TSNAX: variants seen among roughly 807,000 people sequenced by gnomAD.
TSNAX encodes translin associated factor X.
TSNAX carries 12 observed loss-of-function variants against 33.0 expected under a neutral mutation model. That is an observed-to-expected ratio of 0.36 (90% confidence interval 0.23 to 0.59). The LOEUF (loss-of-function observed/expected upper bound fraction) is 0.59. TSNAX is among the 20% of genes least tolerant of loss of function. The probability of loss-of-function intolerance (pLI) is 0.74; values close to 1 mark genes in which losing one functional copy is unlikely to be tolerated. For missense variants in TSNAX, 267 were observed against 341.3 expected, an observed-to-expected ratio of 0.78 and a Z score of 1.72; for synonymous variants, 110 against 117.2, an observed-to-expected ratio of 0.94 and a Z score of 0.40.
chr1:231,529,014 G>C (rs1658464537), intron 1 of TSNAX, among the ~76,000 whole-genome samples, 188 bp downstream of exon 1: 1 of 152,106 alleles, frequency 6.6e-6, no homozygotes, highest in Non-Finnish European at 1.5e-5. Flanking sequence ...AAATTTTTGA[G>C]GTGTGATTTT....
Position 231,564,545 on chromosome 1 carries a change from G to A in TSNAX, c.513G>A (p.Gln171=). 1 of 1,613,786 alleles carries A rather than the reference G, an allele frequency of 6.2e-7. No individual in the cohort carries two copies. The highest frequency in any genetic ancestry group is 8.5e-7 in the Non-Finnish European group (1 of 1,179,844). ...KENKTPSSDA[Q]DKQFGTWRLR... is the part of the protein sequence containing the mutation. ...TTTACCAGCCCTCCTCTGATGCACA[G>A]GATAAGCAGTTTGGTACTTGGAGAC... The change falls in exon 6 of 6, where the codon CAG becomes CAA. Residue 171 remains glutamine (Q), a synonymous_variant. Transcript: ENST00000366639.
chr1:231,551,022 C>T (rs576740685), intron 4 of TSNAX, among the ~76,000 whole-genome samples: 12 of 152,204 alleles, frequency 7.9e-5, no homozygotes, highest in African/African-American at 2.9e-4. Context: ...ACTTGGTAAG[C>T]AGTTCTATAA....
intron 3 of TSNAX, among the ~76,000 whole-genome samples, chr1:231,537,787 TAAGA>T (rs1288229575): frequency 6.6e-6 from 1 of 151,600 alleles, no homozygotes; most frequent in Non-Finnish European, 1.5e-5. Context: ...TGGGTGGACT[TAAGA>T]AAGAAAAATT....
chr1:231,548,501 G>T (rs17802224), intron 4 of TSNAX, among the ~76,000 whole-genome samples: 38,452 of 152,134 alleles, frequency 0.25, 6,200 homozygotes, highest in Middle Eastern at 0.44. Context: ...CCTTCTTGGA[G>T]TGAAATGAAT....
chr1:231,564,499 GTTTT>G (rs750107793), intron 5 of TSNAX, 25 bp from the exon 6 acceptor site: 85 of 1,491,012 alleles, frequency 5.7e-5, no homozygotes, highest in Admixed American at 1.3e-4. Context: ...GTGTGTGTGT[GTTTT>G]TGTTTTGTTT....
chr1:231,564,741 T>C lies in TSNAX; in HGVS notation c.709T>C (p.Tyr237His). 1.9e-6 allele frequency: 3 copies of C among 1,614,170 alleles called. No homozygotes were observed. The highest frequency in any genetic ancestry group is 2.5e-6 in the Non-Finnish European group (3 of 1,180,036). Residue 237 changes from tyrosine to histidine, a missense_variant, in exon 6 of 6, where the codon TAC becomes CAC. Around this residue, in one of 2 missense-constraint regions of TSNAX, gnomAD observed 67 missense variants for 127.2 expected, o/e 0.53. Coordinates refer to ENST00000366639, the MANE Select transcript of TSNAX (RefSeq NM_005999.3). ...GFSFIGNTGP[Y>H]EVSKKLYTLK... ...TTCATTCATTGGCAACACTGGACCT[T>C]ACGAGGTTTCTAAGAAGCTGTATAC... is the stretch of plus-strand genomic sequence containing the variant.
At chr1:231,537,377 A>G (rs1196196435) in intron 3 of TSNAX, 50 bp downstream of exon 3, 1 of 1,214,156 alleles carries the variant, frequency 8.2e-7, no homozygotes, top group Non-Finnish European at 1.2e-6. Context: ...AGCTATTAGA[A>G]TATTCTGTGA....
At chr1:231,554,544 A>G (rs990774546) in intron 4 of TSNAX, 1 of 152,204 alleles carries the variant, frequency 6.6e-6, no homozygotes, top group Non-Finnish European at 1.5e-5. Flanking sequence ...TTGAAGTACA[A>G]GTTTTATATA....
Position 231,528,767 on chromosome 1 carries a change from C to T in TSNAX, c.-44C>T, listed in dbSNP as rs1199637744. On this transcript the variant is annotated 5_prime_UTR_variant, in exon 1 of 6. Transcript: ENST00000366639. ...TGTACCTCGCGCACTCCTCTTGCTC[C>T]AGGTCCTTCAGTCTCCGCTCGTCTC... 6.2e-7 allele frequency: 1 copy of T among 1,613,820 alleles called. No homozygotes were observed. The highest frequency in any genetic ancestry group is 1.7e-5 in the Admixed American group (1 of 60,024).
chr1:231,548,843 T>A (rs1660111732), intron 4 of TSNAX, among the ~76,000 whole-genome samples: 1 of 152,192 alleles, frequency 6.6e-6, no homozygotes, highest in Non-Finnish European at 1.5e-5. Flanking sequence ...AAGACATGGA[T>A]AAGATTGTCT....
chr1:231,537,018 A>G (rs1357814532), intron 2 of TSNAX, 195 bp from the exon 3 acceptor site: 1 of 353,966 alleles, frequency 2.8e-6, no homozygotes, highest in Non-Finnish European at 5.2e-6. Context: ...TTTTTAGTAG[A>G]GACGGGGTTT....
chr1:231,540,334 C>A (rs955801822), intron 3 of TSNAX, among the ~76,000 whole-genome samples: 1 of 152,130 alleles, frequency 6.6e-6, no homozygotes, highest in African/African-American at 2.4e-5. Context: ...TTGTGTCTTT[C>A]AAGGAATTTG....
At chr1:231,556,552 T>G (rs1558134717) in intron 4 of TSNAX, among the ~76,000 whole-genome samples, 1 of 152,346 alleles carries the variant, frequency 6.6e-6, no homozygotes, top group East Asian at 1.9e-4. Context: ...AGTGTTACAT[T>G]GGGCGAGATG....
At position 231,564,835 on chromosome 1, in the gene TSNAX, C is replaced by T; in HGVS notation, c.803C>T (p.Pro268Leu). The T allele has an allele frequency of 6.2e-7, 1 of 1,614,088 alleles. No homozygotes were observed. Among genetic ancestry groups the T allele is most frequent in the Non-Finnish European group, 8.5e-7 (1 of 1,180,004 alleles). The change falls in exon 6 of 6, where the codon CCA becomes CTA. Residue 268 changes from proline to leucine, a missense_variant. Pro to Leu is a moderately conservative substitution (Grantham distance 98). Transcript: ENST00000366639. ...YALKVRGSEI[P>L]KHMLADVFSV... Reference sequence around the variant, plus strand: ...TTGAAAGTCAGAGGGTCAGAAATTCCAAAACATATGTTGGCAGATGTGTTT... The same window carrying T: ...TTGAAAGTCAGAGGGTCAGAAATTCTAAAACATATGTTGGCAGATGTGTTT...
chr1:231,563,461 A>G (rs1328307336), intron 5 of TSNAX: 1 of 154,956 alleles, frequency 6.5e-6, no homozygotes, highest in Non-Finnish European at 1.5e-5. Flanking sequence ...ATCCCATTTT[A>G]CAGATGAGGA....
chr1:231,555,770 C>T (rs6667975), intron 4 of TSNAX, among the ~76,000 whole-genome samples: 1 of 151,908 alleles, frequency 6.6e-6, no homozygotes, highest in South Asian at 2.1e-4. Flanking sequence ...AGAGTTTGCT[C>T]CTGCTCAAGG....
intron 1 of TSNAX, 144 bp downstream of exon 1, chr1:231,528,970 C>T: frequency 9.0e-7 from 1 of 1,112,408 alleles, no homozygotes; most frequent in Admixed American, 2.1e-5. Context: ...CTCTCCCCGG[C>T]CAGATCGGCC....
In TSNAX at chr1:231,537,193, T is replaced by C; in HGVS notation, c.122-20T>C. On this transcript the variant is annotated intron_variant, in intron 2 of 5. Transcript: ENST00000366639. ...TTTGAGTATAGAATATACATGCTTA[T>C]GATCATAATGTGTTTTTAGCATTTC... 1 of 1,545,562 alleles carries C rather than the reference T, an allele frequency of 6.5e-7. No homozygotes were observed. The highest frequency in any genetic ancestry group is 8.9e-7 in the Non-Finnish European group (1 of 1,123,838).
chr1:231,543,575 A>G (rs565004205), intron 4 of TSNAX, among the ~76,000 whole-genome samples: 1 of 152,322 alleles, frequency 6.6e-6, no homozygotes, highest in South Asian at 2.1e-4. Context: ...TAAGATTTGC[A>G]GGAAGACTGG....
Sources: gnomAD v4.1 joint callset for allele counts (sites outside exome capture counted in the v4.1 genomes callset) on GRCh38, gnomAD v4.1.1 for gene constraint, gnomAD v4.1.1 regional missense constraint, MANE v1.5 for transcripts, NCBI Gene and HGNC (gene_info 2026-07-23, HGNC 2026-07-21) for gene names.